Variants in BACE2 observed in about 807,000 individuals in gnomAD.
BACE2 encodes the protein beta-secretase 2.
In BACE2, 17 loss-of-function variants were observed where a neutral mutation model predicts 46.2. The ratio of observed to expected loss-of-function variants is 0.37; its 90% CI spans 0.25 to 0.55. BACE2 has a LOEUF of 0.55. Among genes scored for constraint, BACE2 ranks in the 20% least tolerant of loss-of-function variants. BACE2 has a pLI of 0.82. For missense variants in BACE2, 595 were observed against 698.1 expected, an observed-to-expected ratio of 0.85 and a Z score of 1.66; for synonymous variants, 277 against 295.9, an observed-to-expected ratio of 0.94 and a Z score of 0.66.
At chr21:41,200,847 C>T (rs183781867) in intron 1 of BACE2, among the ~76,000 whole-genome samples, 1 of 152,190 alleles carries the variant, frequency 6.6e-6, no homozygotes, top group Admixed American at 6.5e-5. Context: ...CTGAGACTTC[C>T]GGCCTCCACA....
At chr21:41,184,342 T>C (rs1985280913) in intron 1 of BACE2, 1 of 167,036 alleles carries the variant, frequency 6.0e-6, no homozygotes, top group Non-Finnish European at 1.5e-5. Context: ...TACTTTTTTT[T>C]CCCCACAGCA....
chr21:41,205,785 T>A (rs1057021672), intron 1 of BACE2, among the ~76,000 whole-genome samples: 12 of 151,764 alleles, frequency 7.9e-5, no homozygotes, highest in African/African-American at 2.2e-4. Context: ...TTGAAAACTG[T>A]TATGAAAGAG....
At chr21:41,272,590 A>G (rs1302734693) in intron 8 of BACE2, among the ~76,000 whole-genome samples, 1 of 151,584 alleles carries the variant, frequency 6.6e-6, no homozygotes, top group Non-Finnish European at 1.5e-5. Context: ...ACCATCCCGT[A>G]TATTTTTCAT....
chr21:41,215,518 G>A (rs900025529), intron 1 of BACE2, among the ~76,000 whole-genome samples: 2 of 152,212 alleles, frequency 1.3e-5, no homozygotes, highest in East Asian at 1.9e-4. Flanking sequence ...TGATGTTGGC[G>A]GCAGGGTTGG....
intron 7 of BACE2, among the ~76,000 whole-genome samples, chr21:41,256,689 C>T (rs1281742597): frequency 1.3e-5 from 2 of 152,170 alleles, no homozygotes; most frequent in Admixed American, 1.3e-4. Flanking sequence ...TGAACCAAAC[C>T]AATGGACATC....
intron 1 of BACE2, among the ~76,000 whole-genome samples, chr21:41,197,566 T>C (rs1985785437): frequency 6.6e-6 from 1 of 152,156 alleles, no homozygotes; most frequent in African/African-American, 2.4e-5. Context: ...ATGGAGTAAG[T>C]TGGCTACCTA....
At chr21:41,205,818 A>G (rs1434032300) in intron 1 of BACE2, among the ~76,000 whole-genome samples, 2 of 152,202 alleles carry the variant, frequency 1.3e-5, no homozygotes, top group African/African-American at 4.8e-5. Context: ...CCGTCTTAAC[A>G]TCGGGTCATG....
At chr21:41,185,136 C>T (rs1386340093) in intron 1 of BACE2, 1 of 167,062 alleles carries the variant, frequency 6.0e-6, no homozygotes, top group Non-Finnish European at 1.5e-5. Context: ...TTTATTAGCC[C>T]AAGTTTAGCA....
At chr21:41,232,758 T>G (rs1987001564) in intron 2 of BACE2, among the ~76,000 whole-genome samples, 1 of 152,192 alleles carries the variant, frequency 6.6e-6, no homozygotes, top group Non-Finnish European at 1.5e-5. Flanking sequence ...GCAACATGCT[T>G]CATGCACAGC....
At chr21:41,237,922 G>A (rs573433364) in intron 3 of BACE2, among the ~76,000 whole-genome samples, 193 bp downstream of exon 3, 87 of 152,288 alleles carry the variant, frequency 5.7e-4, no homozygotes, top group African/African-American at 2.0e-3. Flanking sequence ...CATGATTCTT[G>A]GAACCTTCCT....
rs756983976 is a variant in BACE2, at chr21:41,237,575, C to T, written c.464C>T (p.Thr155Met). 3.5e-5 allele frequency: 56 copies of T among 1,614,226 alleles called. No homozygotes were observed. The highest frequency in any genetic ancestry group is 6.7e-5 in the East Asian group (3 of 44,886). ...VTVKYTQGSW[T>M]GFVGEDLVTI... ...GTGAAGTACACACAAGGAAGCTGGA[C>T]GGGCTTCGTTGGGGAAGACCTCGTC... Residue 155 changes from threonine (T) to methionine (M), a missense_variant, in exon 3 of 9, where the codon ACG becomes ATG. This residue lies in a region of BACE2 where 248 missense variants were observed against 261.4 expected (regional missense o/e 0.95). Coordinates refer to ENST00000330333, the MANE Select transcript of BACE2 (RefSeq NM_012105.5).
At chr21:41,180,759 A>T (rs1212419289) in intron 1 of BACE2, 1 of 167,136 alleles carries the variant, frequency 6.0e-6, no homozygotes, top group Non-Finnish European at 1.5e-5. Flanking sequence ...TAGCTTGCTC[A>T]TAGATCTTTT....
intron 1 of BACE2, among the ~76,000 whole-genome samples, chr21:41,200,848 G>A (rs916481494): frequency 3.9e-5 from 6 of 152,158 alleles, no homozygotes; most frequent in African/African-American, 9.7e-5. Flanking sequence ...TGAGACTTCC[G>A]GCCTCCACAA....
At chr21:41,263,382 G>A (rs1013614239) in intron 8 of BACE2, among the ~76,000 whole-genome samples, 1 of 152,146 alleles carries the variant, frequency 6.6e-6, no homozygotes, top group African/African-American at 2.4e-5. Flanking sequence ...ACATACTTTA[G>A]TAGTTACATA....
chr21:41,257,051 C>G (rs1971990779), intron 7 of BACE2, 107 bp from the exon 8 acceptor site: 1 of 1,280,570 alleles, frequency 7.8e-7, no homozygotes, highest in African/African-American at 1.5e-5. Flanking sequence ...GTGACTCCCC[C>G]CAGCGCCTGG....
intron 1 of BACE2, among the ~76,000 whole-genome samples, chr21:41,211,989 C>T (rs1401351065): frequency 2.0e-5 from 3 of 152,220 alleles, no homozygotes; most frequent in East Asian, 1.9e-4. Flanking sequence ...GGCTTCTAGC[C>T]GAGGAGGCTC....
At position 41,251,694 on chromosome 21, in the gene BACE2, C is replaced by CT. The variant is rs991785660; in HGVS notation, c.1134+793_1134+794insT. 4.6e-5 allele frequency among the ~76,000 whole-genome samples: 7 copies of CT among 151,854 alleles called. No homozygotes were observed. The East Asian group carries it at 1.4e-3, about 30-fold the overall frequency. On this transcript the variant is annotated intron_variant, in intron 7 of 8. Coordinates refer to ENST00000330333, the MANE Select transcript of BACE2 (RefSeq NM_012105.5). ...TGCATGCCTGTAATCCCAGCTACCC[C>CT]GGAGGCTGAGGCAGGAGAATTGCTT...
At chr21:41,236,267 G>A (rs1435523844) in intron 2 of BACE2, among the ~76,000 whole-genome samples, 1 of 152,178 alleles carries the variant, frequency 6.6e-6, no homozygotes, top group African/African-American at 2.4e-5. Flanking sequence ...CCCCTAGAGA[G>A]CCCCAGGTCT....
At chr21:41,264,832 A>G (rs1446113031) in intron 8 of BACE2, among the ~76,000 whole-genome samples, 1 of 152,154 alleles carries the variant, frequency 6.6e-6, no homozygotes, top group African/African-American at 2.4e-5. Flanking sequence ...AAAAATCAAA[A>G]GGTTAGCCAA....
Sources: allele counts gnomAD v4.1 joint callset (sites outside exome capture counted in the v4.1 genomes callset), GRCh38; gene constraint gnomAD v4.1.1; regional missense constraint gnomAD v4.1.1; transcripts MANE v1.5; gene names NCBI Gene and HGNC (gene_info 2026-07-23, HGNC 2026-07-21).